UNC80: variants seen among roughly 807,000 people sequenced by gnomAD.
The protein encoded by UNC80 is protein unc-80 homolog.
A neutral mutation model predicts 384.6 loss-of-function variants in UNC80; 164 were observed. The observed-to-expected ratio is 0.43, with a 90% CI of 0.38 to 0.49. The LOEUF (loss-of-function observed/expected upper bound fraction) is 0.49. Among genes scored for constraint, UNC80 ranks in the 20% least tolerant of loss-of-function variants. The pLI, the probability that UNC80 is intolerant of heterozygous loss-of-function variation, is 0.00. For synonymous variants in UNC80, 1,486 were observed against 1,527.8 expected (o/e 0.97, Z 0.64); for missense variants, 3,330 against 4,143.0 (o/e 0.80, Z 5.39).
At chr2:209,840,763 TCCAGA>T in intron 20 of UNC80, 115 bp downstream of exon 20, 1 of 796,026 alleles carries the variant, frequency 1.3e-6, no homozygotes, top group Non-Finnish European at 2.0e-6. Flanking sequence ...GAAGAAACTC[TCCAGA>T]TGAGCTAACT....
intron 28 of UNC80, among the ~76,000 whole-genome samples, chr2:209,903,533 T>TAGTATATATGTAATATATATATAC (rs2087736233): frequency 5.8e-4 from 1 of 1,712 alleles, no homozygotes; most frequent in African/African-American, 2.2e-3. Context: ...ACTATATATA[T>TAGTATATATGTAATATATATATAC]TATATATAGT....
intron 7 of UNC80, among the ~76,000 whole-genome samples, chr2:209,806,666 C>A (rs1039111362): frequency 6.6e-6 from 1 of 152,162 alleles, no homozygotes; most frequent in African/African-American, 2.4e-5. Flanking sequence ...CAAAACAATG[C>A]CAATATCCTA....
intron 26 of UNC80, among the ~76,000 whole-genome samples, chr2:209,890,558 A>G (rs890295599): frequency 7.2e-5 from 11 of 152,244 alleles, no homozygotes; most frequent in African/African-American, 2.4e-4. Flanking sequence ...CATCTCTTGC[A>G]TGACAAATAC....
chr2:209,801,032 G>C, intron 7 of UNC80, among the ~76,000 whole-genome samples: 1 of 152,104 alleles, frequency 6.6e-6, no homozygotes, highest in Admixed American at 6.5e-5. Flanking sequence ...ATATTCTGTT[G>C]ACTTGGGGTA....
Position 209,945,065 on chromosome 2 carries a change from T to A in UNC80, c.7065T>A (p.Asn2355Lys). Residue 2355 changes from asparagine (N) to lysine (K), a missense_variant, in exon 46 of 65, where the codon AAT (asparagine) becomes AAA (lysine). Physicochemically the swap from Asn to Lys is moderately conservative, Grantham distance 94. Around this residue, in one of 8 missense-constraint regions of UNC80, gnomAD observed 1,049 missense variants for 1,488.6 expected, o/e 0.70. Coordinates refer to ENST00000673920, the MANE Select transcript of UNC80 (RefSeq NM_001371986.1). Reference sequence around the variant, plus strand: ...TTCTTTATCAGGATGCTGCCAATAATGGGCCCAGCAAAGGTGTGTCAGCTC... The same window carrying A: ...TTCTTTATCAGGATGCTGCCAATAAAGGGCCCAGCAAAGGTGTGTCAGCTC... ...PLLEFPDAANNGPSKGVSAQC... is the reference protein window; with the variant it reads ...PLLEFPDAANKGPSKGVSAQC... 2 of 1,551,522 alleles carry A rather than the reference T, an allele frequency of 1.3e-6. No individual in the cohort carries two copies. Among genetic ancestry groups the A allele is most frequent in the Non-Finnish European group, 1.7e-6 (2 of 1,146,808 alleles).
chr2:209,979,386 T>G (rs776340356), intron 59 of UNC80, among the ~76,000 whole-genome samples: 1 of 152,208 alleles, frequency 6.6e-6, no homozygotes, highest in African/African-American at 2.4e-5. Context: ...GACATCTTGC[T>G]TAGAGGGTTG....
rs573840916 is a variant in UNC80, at chr2:209,984,738, C to T, written c.9258-118C>T. ...GACTGTCTCCTTTTCCTTCCTTGTT[C>T]GGTTAAATCTATTTATTTTTGGTTC... On this transcript the variant is annotated intron_variant, in intron 60 of 64. Transcript: ENST00000673920. 5.2e-4 allele frequency: 483 copies of T among 931,208 alleles called. 3 individuals are homozygous for T. Among genetic ancestry groups the T allele is most frequent in the Non-Finnish European group, 7.3e-4 (462 of 636,782 alleles). 57.7% of individuals were successfully genotyped at this position (931,208 alleles called of 1,614,324 possible).
intron 7 of UNC80, among the ~76,000 whole-genome samples, chr2:209,804,980 A>G (rs2078800934): frequency 6.6e-6 from 1 of 152,060 alleles, no homozygotes; most frequent in African/African-American, 2.4e-5. Flanking sequence ...AAAGTTCTTT[A>G]TATTTGATGT....
At chr2:209,871,612 A>G (rs1359355682) in intron 22 of UNC80, among the ~76,000 whole-genome samples, 1 of 152,142 alleles carries the variant, frequency 6.6e-6, no homozygotes, top group Non-Finnish European at 1.5e-5. Flanking sequence ...TAATATTGTG[A>G]TGTATTTTTT....
chr2:209,967,694 C>A, intron 52 of UNC80, 57 bp downstream of exon 52: 2 of 1,514,084 alleles, frequency 1.3e-6, no homozygotes, highest in South Asian at 1.2e-5. Context: ...TAAGATTTGT[C>A]ATTTTTTAAG....
intron 59 of UNC80, among the ~76,000 whole-genome samples, chr2:209,980,351 G>A (rs1015972152): frequency 6.6e-6 from 1 of 152,174 alleles, no homozygotes; most frequent in Non-Finnish European, 1.5e-5. Flanking sequence ...GACCTAACCT[G>A]TAGGAAGGAG....
At chr2:209,886,407 A>G (rs982179144) in intron 25 of UNC80, among the ~76,000 whole-genome samples, 4 of 151,870 alleles carry the variant, frequency 2.6e-5, no homozygotes, top group Non-Finnish European at 4.4e-5. Flanking sequence ...GCAAGACCCC[A>G]TATCTACAAA....
At chr2:209,859,576 T>C (rs548346698) in intron 22 of UNC80, among the ~76,000 whole-genome samples, 1 of 152,338 alleles carries the variant, frequency 6.6e-6, no homozygotes, top group Non-Finnish European at 1.5e-5. Context: ...CAAATGATAT[T>C]TCTGGTTCTA....
rs1422600806 is a variant in UNC80, at chr2:209,984,871, C to T, written c.9273C>T (p.Leu3091=). Residue 3091 remains leucine (L), a synonymous_variant, in exon 61 of 65, where the codon CTC becomes CTT. Coordinates refer to ENST00000673920, the MANE Select transcript of UNC80 (RefSeq NM_001371986.1). Reference sequence around the variant, plus strand: ...CCTCCTGCAGTGAACCTAATGTCCTCGATGACTCCCAGGGCCTGGCCGCCG... The same window carrying T: ...CCTCCTGCAGTGAACCTAATGTCCTTGATGACTCCCAGGGCCTGGCCGCCG... ...MLPSQSEPNV[L]DDSQGLAAEG... 29 of 1,550,370 alleles carry T rather than the reference C, an allele frequency of 1.9e-5. No homozygotes were observed. The highest frequency in any genetic ancestry group is 1.7e-4 in the Middle Eastern group (1 of 6,008).
At position 209,969,741 on chromosome 2, in the gene UNC80, G is replaced by A. The variant is rs890892938; in HGVS notation, c.8007-27G>A. ...AGACTCTCCAGAAGGGAGCCAAGAC[G>A]CTAATGGCGCCTATATTGTATTCCA... On this transcript the variant is annotated intron_variant, in intron 52 of 64. Transcript: ENST00000673920. 11 of 1,551,024 alleles carry A rather than the reference G, an allele frequency of 7.1e-6. No homozygotes were observed. The East Asian group carries it at 9.8e-5, about 14-fold the overall frequency.
intron 26 of UNC80, among the ~76,000 whole-genome samples, chr2:209,892,689 G>A (rs756903134): frequency 3.3e-5 from 5 of 152,086 alleles, no homozygotes; most frequent in Non-Finnish European, 5.9e-5. Flanking sequence ...CTGTGCTTCC[G>A]AATCTACTTA....
intron 26 of UNC80, among the ~76,000 whole-genome samples, chr2:209,889,645 C>T (rs920871089): frequency 5.3e-5 from 8 of 152,118 alleles, no homozygotes; most frequent in African/African-American, 1.9e-4. Context: ...CTCCCATAGC[C>T]CGCCACCCAC....
intron 29 of UNC80, among the ~76,000 whole-genome samples, chr2:209,911,740 T>C (rs1574986030): frequency 1.3e-5 from 2 of 152,188 alleles, no homozygotes; most frequent in East Asian, 3.9e-4. Context: ...CGATTCCCTC[T>C]TTGCACAGCC....
intron 38 of UNC80, among the ~76,000 whole-genome samples, chr2:209,933,390 A>G (rs2124969023): frequency 6.6e-6 from 1 of 152,260 alleles, no homozygotes; most frequent in East Asian, 1.9e-4. Flanking sequence ...TAGAAACAAA[A>G]AAAAAGAAGA....
Sources: gnomAD v4.1 joint callset for allele counts (sites outside exome capture counted in the v4.1 genomes callset) on GRCh38, gnomAD v4.1.1 for gene constraint, gnomAD v4.1.1 regional missense constraint, MANE v1.5 for transcripts, NCBI Gene and HGNC (gene_info 2026-07-23, HGNC 2026-07-21) for gene names.